SF3B2: variants seen among roughly 807,000 people sequenced by gnomAD.
SF3B2 encodes the protein splicing factor 3b subunit 2, also known as SAP 145.
SF3B2 carries 22 observed loss-of-function variants against 116.3 expected under a neutral mutation model. The observed-to-expected ratio is 0.19, with a 90% CI of 0.14 to 0.27. SF3B2 has a LOEUF of 0.27. SF3B2 is among the 10% of genes least tolerant of loss of function. SF3B2 has a pLI of 1.00. For missense variants in SF3B2, 767 were observed against 1,151.4 expected, an observed-to-expected ratio of 0.67 and a Z score of 4.83; for synonymous variants, 406 against 421.6, an observed-to-expected ratio of 0.96 and a Z score of 0.45.
chr11:66,059,561 G>A lies in SF3B2; in HGVS notation c.1367G>A (p.Arg456Gln), dbSNP rs762245336. ...APKLSKKKLR[R>Q]MNRFTVAELK... ...AAGCTGTCCAAGAAGAAGTTGCGCCGAATGAACCGCTTCACTGTGGCTGAA... is the reference window on the plus strand; with the variant it reads ...AAGCTGTCCAAGAAGAAGTTGCGCCAAATGAACCGCTTCACTGTGGCTGAA... Residue 456 changes from arginine (R) to glutamine (Q), a missense_variant, in exon 12 of 22, where the codon CGA (arginine) becomes CAA (glutamine). Transcript: ENST00000322535. This position sits in a 1 kb window ranked among gnomAD's most constrained non-coding sequence, Gnocchi z 5.0. 11 of 1,613,906 alleles carry A rather than the reference G, an allele frequency of 6.8e-6. No homozygotes were observed. The highest frequency in any genetic ancestry group is 5.0e-5 in the Admixed American group (3 of 59,982).
chr11:66,064,715 A>ATCTCAGTAC (rs1490085235), intron 19 of SF3B2: 1 of 152,064 alleles, frequency 6.6e-6, no homozygotes. Context: ...TAAGCCTGTA[A>ATCTCAGTAC]TCTCAGTACT....
In SF3B2 at chr11:66,052,409, C is replaced by A. The variant is rs1410640001; in HGVS notation, c.25C>A (p.Pro9Thr). MATEHPEP[P>T]KAELQLPPPP... ...GATGGCGACGGAGCATCCCGAGCCT[C>A]CCAAAGCAGAATTGCAGCTGCCGCC... Residue 9 changes from proline (P) to threonine (T), a missense_variant, in exon 1 of 22, where the codon CCC (proline) becomes ACC (threonine). Physicochemically the swap from Pro to Thr is conservative, Grantham distance 38. Around this residue, in one of 4 missense-constraint regions of SF3B2, gnomAD observed 455 missense variants for 537.5 expected, o/e 0.85. Coordinates refer to ENST00000322535, the MANE Select transcript of SF3B2 (RefSeq NM_006842.3). 6 of 1,612,730 alleles carry A rather than the reference C, an allele frequency of 3.7e-6. No individual in the cohort carries two copies. Among genetic ancestry groups the A allele is most frequent in the Non-Finnish European group, 4.2e-6 (5 of 1,179,852 alleles).
chr11:66,062,327 A>C (rs1857112429), intron 16 of SF3B2, among the ~76,000 whole-genome samples: 2 of 152,128 alleles, frequency 1.3e-5, no homozygotes, highest in South Asian at 4.2e-4. Flanking sequence ...AATATTAAGA[A>C]TGACCAGAGA....
chr11:66,068,407 C>T, intron 21 of SF3B2, 74 bp downstream of exon 21: 1 of 1,437,590 alleles, frequency 7.0e-7, no homozygotes, highest in East Asian at 2.4e-5. Context: ...GGCATGGTGC[C>T]CTCTAGTGGT....
chr11:66,062,008 G>A lies in SF3B2; in HGVS notation c.1977+10G>A, dbSNP rs768430106. 1 of 1,596,716 alleles carries A rather than the reference G, an allele frequency of 6.3e-7. No individual in the cohort carries two copies. Among genetic ancestry groups the A allele is most frequent in the Non-Finnish European group, 8.6e-7 (1 of 1,169,386 alleles). ...CTCGCCCATCCCTGAGGTGAGCATTGTCCTTTCGTTCATTCTTGGCCATTT... is the reference window on the plus strand; with the variant it reads ...CTCGCCCATCCCTGAGGTGAGCATTATCCTTTCGTTCATTCTTGGCCATTT... On this transcript the variant is annotated intron_variant, in intron 16 of 21. Coordinates refer to ENST00000322535, the MANE Select transcript of SF3B2 (RefSeq NM_006842.3).
In SF3B2 at chr11:66,059,530, G is replaced by A. The variant is rs1857064662; in HGVS notation, c.1336G>A (p.Ala446Thr). ...TCTGTTCTAGGAAAAGAAGCCAGAAGCCCCCAAGCTGTCCAAGAAGAAGTT... is the reference window on the plus strand; with the variant it reads ...TCTGTTCTAGGAAAAGAAGCCAGAAACCCCCAAGCTGTCCAAGAAGAAGTT... ...SDDEQEKKPE[A>T]PKLSKKKLRR... Residue 446 changes from alanine to threonine, a missense_variant, in exon 12 of 22, where the codon GCC becomes ACC. Physicochemically the swap from Ala to Thr is moderately conservative, Grantham distance 58 (BLOSUM62 0). This residue lies in a region of SF3B2 where 282 missense variants were observed against 568.0 expected (regional missense o/e 0.50). Transcript: ENST00000322535. This position sits in a 1 kb window ranked among gnomAD's most constrained non-coding sequence, Gnocchi z 5.0. 9.3e-6 allele frequency: 15 copies of A among 1,613,956 alleles called. No homozygotes were observed. Among genetic ancestry groups the A allele is most frequent in the Non-Finnish European group, 1.3e-5 (15 of 1,180,028 alleles).
intron 14 of SF3B2, 48 bp downstream of exon 14, chr11:66,060,779 C>A: frequency 6.4e-7 from 1 of 1,561,342 alleles, no homozygotes; most frequent in Non-Finnish European, 8.7e-7. Flanking sequence ...GGGGTTGAGA[C>A]TGTCTAGGGC....
Position 66,055,116 on chromosome 11 carries a change from C to G in SF3B2, c.299C>G (p.Pro100Arg). ...ATGCCACCACCACCTTTGGGACTCC[C>G]CCCTCTGCAGCCTCCTCCGCCACCC... The part of the protein sequence containing the change: ...IPMPPPPLGL[P>R]PLQPPPPPPP... Residue 100 changes from proline to arginine, a missense_variant, in exon 4 of 22, where the codon CCC (proline) becomes CGC (arginine). Around this residue, in one of 4 missense-constraint regions of SF3B2, gnomAD observed 455 missense variants for 537.5 expected, o/e 0.85. Coordinates refer to ENST00000322535, the MANE Select transcript of SF3B2 (RefSeq NM_006842.3). 3 of 1,551,314 alleles carry G rather than the reference C, an allele frequency of 1.9e-6. No individual in the cohort carries two copies. Among genetic ancestry groups the G allele is most frequent in the Non-Finnish European group, 2.6e-6 (3 of 1,144,836 alleles).
chr11:66,063,763 C>T (rs760953623), intron 19 of SF3B2, 34 bp downstream of exon 19: 2 of 1,494,952 alleles, frequency 1.3e-6, no homozygotes, highest in African/African-American at 1.4e-5. Context: ...GAGGGGAGGA[C>T]CTTCACTTCC....
chr11:66,060,408 GT>G (rs760468856), intron 13 of SF3B2, among the ~76,000 whole-genome samples, 173 bp from the exon 14 acceptor site: 3 of 152,178 alleles, frequency 2.0e-5, no homozygotes, highest in Non-Finnish European at 4.4e-5. Flanking sequence ...TGTATAGTCT[GT>G]TTTGTTCAGT....
chr11:66,058,500 C>T (rs1487863972), intron 9 of SF3B2, 95 bp downstream of exon 9: 1 of 951,120 alleles, frequency 1.1e-6, no homozygotes, highest in African/African-American at 1.6e-5. Context: ...GTAATAGCTT[C>T]TATTTTGTGC....
At position 66,057,309 on chromosome 11, in the gene SF3B2, G is replaced by A; in HGVS notation, c.711G>A (p.Leu237=). 6.2e-7 allele frequency: 1 copy of A among 1,610,398 alleles called. No homozygotes were observed. Among genetic ancestry groups the A allele is most frequent in the East Asian group, 2.2e-5 (1 of 44,864 alleles). Reference sequence around the variant, plus strand: ...CAGTGGGCCCCACTCCTACAGTTTTGCCCATGGGAGCCCCTGTTCCCCGGC... The same window carrying A: ...CAGTGGGCCCCACTCCTACAGTTTTACCCATGGGAGCCCCTGTTCCCCGGC... ...VGPVGPTPTV[L]PMGAPVPRPR... The change falls in exon 7 of 22, where the codon TTG becomes TTA. Residue 237 remains leucine, a synonymous_variant. Coordinates refer to ENST00000322535, the MANE Select transcript of SF3B2 (RefSeq NM_006842.3).
rs759761058 is a variant in SF3B2 at position 66,057,378 on chromosome 11, G to A, written c.777+3G>A. On this transcript the variant is annotated splice_donor_region_variant and intron_variant, in intron 7 of 21. Transcript: ENST00000322535. ...CCCCTGGAGATGAGAACAGAGAGGT[G>A]AGACTGATGATTTATTCCTAGGGAT... The A allele has an allele frequency of 7.8e-7, 1 of 1,279,594 alleles. No homozygotes were observed. Among genetic ancestry groups the A allele is most frequent in the Non-Finnish European group, 1.1e-6 (1 of 878,676 alleles). The allele number at this position is 1,279,594 out of a possible 1,614,324, so 79.3% of individuals were successfully genotyped here. A position where few individuals can be genotyped will look rare whatever the true frequency, so the allele number is the denominator to read the frequency against.
In SF3B2 at chr11:66,052,982, A is replaced by C. The variant is rs1334146251; in HGVS notation, c.181-45A>C. On this transcript the variant is annotated intron_variant, in intron 2 of 21. Transcript: ENST00000322535. ...AATTGGGAGCGAACGTCGTTTAGTG[A>C]AACAGCTAGTTTTGGACTGACCTAG... 1.9e-6 allele frequency: 3 copies of C among 1,580,790 alleles called. No individual in the cohort carries two copies. The South Asian group carries it at 3.3e-5, about 17-fold the overall frequency.
Position 66,069,022 on chromosome 11 carries a change from C to G in SF3B2, c.*277C>G. On this transcript the variant is annotated 3_prime_UTR_variant, in exon 22 of 22. Coordinates refer to ENST00000322535, the MANE Select transcript of SF3B2 (RefSeq NM_006842.3). ...ACCACGAACATAAACTGGGATTAGACGGCGCATTTGACTGGTGGTGACGCC... is the reference window on the plus strand; with the variant it reads ...ACCACGAACATAAACTGGGATTAGAGGGCGCATTTGACTGGTGGTGACGCC... 1 of 444,066 alleles carries G rather than the reference C, an allele frequency of 2.3e-6. No homozygotes were observed. The highest frequency in any genetic ancestry group is 4.2e-6 in the Non-Finnish European group (1 of 238,762). 27.5% of individuals were successfully genotyped at this position (444,066 alleles called of 1,614,324 possible). A position where few individuals can be genotyped will look rare whatever the true frequency, so the allele number is the denominator to read the frequency against.
rs767020939 is a variant in SF3B2, at chr11:66,052,675, A to C, written c.136A>C (p.Asn46His). 6 of 1,594,472 alleles carry C rather than the reference A, an allele frequency of 3.8e-6. No individual in the cohort carries two copies. In the Admixed American group the frequency reaches 5.4e-5, roughly 14 times the overall value. The change falls in exon 2 of 22, where the codon AAT becomes CAT. Residue 46 changes from asparagine (N) to histidine (H), a missense_variant and splice_region_variant. Transcript: ENST00000322535. ...TGATCGTGTACTTTGCCCTGCAGGT[A>C]ATCGCGAGGAGCTGGTGGAGCGGCT... Reference protein sequence around the residue: ...LAEIGAPIQGNREELVERLQS... With the variant: ...LAEIGAPIQGHREELVERLQS...
chr11:66,058,612 TGAGAC>T, intron 9 of SF3B2: 1 of 630,398 alleles, frequency 1.6e-6, no homozygotes, highest in Non-Finnish European at 2.8e-6. Context: ...GCAGAGGTTC[TGAGAC>T]GCACAGTAAT....
At chr11:66,053,003 C>G (rs1235380442) in intron 2 of SF3B2, 24 bp from the exon 3 acceptor site, 1 of 1,611,992 alleles carries the variant, frequency 6.2e-7, no homozygotes, top group Non-Finnish European at 8.5e-7. Flanking sequence ...TTTGGACTGA[C>G]CTAGAGTCCT....
In SF3B2 at chr11:66,056,833, C is replaced by T. The variant is rs114191514; in HGVS notation, c.550-5C>T. The stretch of plus-strand genomic sequence containing the variant: ...GCAGTATCTACTCCCACTTCCCTCC[C>T]GTAGGCAGCTGTGTTACTGGAGCAG... On this transcript the variant is annotated splice_region_variant and splice_polypyrimidine_tract_variant and intron_variant, in intron 5 of 21. Transcript: ENST00000322535. The T allele has an allele frequency of 1.2e-4, 201 of 1,610,732 alleles. No individual in the cohort carries two copies. In the African/African-American group the frequency reaches 1.8e-3, roughly 15 times the overall value.
Sources: allele counts gnomAD v4.1 joint callset (sites outside exome capture counted in the v4.1 genomes callset), GRCh38; gene constraint gnomAD v4.1.1; regional missense constraint gnomAD v4.1.1; non-coding constraint Gnocchi (gnomAD v3.1); transcripts MANE v1.5; gene names NCBI Gene and HGNC (gene_info 2026-07-23, HGNC 2026-07-21).